The following POLI variants were observed in gnomAD, a reference collection of about 807,000 sequenced individuals.
POLI encodes RAD30 homolog B.
Under a neutral mutation model 51.6 loss-of-function variants are expected in POLI, and 58 were observed. The ratio of observed to expected loss-of-function variants is 1.12; its 90% CI spans 0.91 to 1.40. POLI has a LOEUF of 1.40. Ranked by LOEUF, POLI falls within the 40% of genes most tolerant of loss-of-function variation. The pLI, the probability that POLI is intolerant of heterozygous loss-of-function variation, is 0.00. For missense variants in POLI, 921 were observed against 871.3 expected (o/e 1.06, Z -0.72); for synonymous variants, 322 against 299.7 (o/e 1.07, Z -0.77).
At chr18:54,308,709 C>A (rs1296219831) in intron 3 of POLI, among the ~76,000 whole-genome samples, 2 of 152,234 alleles carry the variant, frequency 1.3e-5, no homozygotes, top group Non-Finnish European at 2.9e-5. Context: ...TCGTCACTTT[C>A]AAGTACACCA....
intron 3 of POLI, among the ~76,000 whole-genome samples, chr18:54,311,607 T>C (rs2088670297): frequency 6.6e-6 from 1 of 152,230 alleles, no homozygotes; most frequent in Admixed American, 6.5e-5. Context: ...CTATTTAGGC[T>C]TAGCCAGACT....
At chr18:54,273,061 A>C (rs992500336) in intron 2 of POLI, among the ~76,000 whole-genome samples, 1 of 152,132 alleles carries the variant, frequency 6.6e-6, no homozygotes, top group Admixed American at 6.5e-5. Context: ...TTTTAGGTGA[A>C]CATTACTCTT....
Position 54,294,916 on chromosome 18 carries a change from T to C in POLI, c.*449T>C. The C allele has an allele frequency of 1.0e-6, 1 of 979,506 alleles. No homozygotes were observed. Among genetic ancestry groups the C allele is most frequent in the African/African-American group, 1.8e-5 (1 of 57,130 alleles). The allele number at this position is 979,506 out of a possible 1,614,324, so 60.7% of individuals were successfully genotyped here. On this transcript the variant is annotated 3_prime_UTR_variant, in exon 10 of 10. Coordinates refer to ENST00000579534, the MANE Select transcript of POLI (RefSeq NM_007195.3). Reference sequence around the variant, plus strand: ...CCAACTAACCTATTAAAAATATAGATAGTTTTGACTAAAGTACTACATTAC... The same window carrying C: ...CCAACTAACCTATTAAAAATATAGACAGTTTTGACTAAAGTACTACATTAC...
At position 54,274,003 on chromosome 18, in the gene POLI, A is replaced by G; in HGVS notation, c.319A>G (p.Arg107Gly). 3.2e-6 allele frequency: 5 copies of G among 1,584,666 alleles called. No individual in the cohort carries two copies. The highest frequency in any genetic ancestry group is 4.3e-6 in the Non-Finnish European group (5 of 1,163,238). The change falls in exon 3 of 10, where the codon AGA (arginine) becomes GGA (glycine). Residue 107 changes from arginine to glycine, a missense_variant. Physicochemically the swap from Arg to Gly is moderately radical, Grantham distance 125. Coordinates refer to ENST00000579534, the MANE Select transcript of POLI (RefSeq NM_007195.3). The stretch of plus-strand genomic sequence containing the variant: ...TGGAGTTAAGAAACTTATGAATGTC[A>G]GAGATGCAAAAGAAAAGTGTCCACA... ...KLGVKKLMNVRDAKEKCPQLV... is the reference protein window; with the variant it reads ...KLGVKKLMNVGDAKEKCPQLV...
rs574662532 is a variant in POLI, at chr18:54,304,069, C to T, written c.334-16204C>T. 2.2e-4 allele frequency among the ~76,000 whole-genome samples: 34 copies of T among 152,192 alleles called. No individual in the cohort carries two copies. The South Asian group carries it at 4.8e-3, about 21-fold the overall frequency. ...GAATGATGGTTTCCAGCTTCATCCACGTCCCTACAAAGGACATGAACTCAT... is the reference window on the plus strand; with the variant it reads ...GAATGATGGTTTCCAGCTTCATCCATGTCCCTACAAAGGACATGAACTCAT... On this transcript the variant is annotated intron_variant, in intron 3 of 4. Transcript: ENST00000579823.
downstream of POLI, among the ~76,000 whole-genome samples, chr18:54,298,590 T>C (rs2088434557): frequency 1.0e-5 from 1 of 99,318 alleles, no homozygotes; most frequent in Non-Finnish European, 1.8e-5. Context: ...TACAGAATCT[T>C]TTTTTTTTTT....
downstream of POLI, among the ~76,000 whole-genome samples, chr18:54,299,295 C>T (rs925516471): frequency 2.0e-4 from 31 of 152,120 alleles, no homozygotes; most frequent in Admixed American, 1.7e-3. Context: ...GTTGACTGGG[C>T]GTGGTGGTGC....
At chr18:54,306,567 A>G (rs1211329478) in intron 3 of POLI, among the ~76,000 whole-genome samples, 1 of 152,194 alleles carries the variant, frequency 6.6e-6, no homozygotes, top group Non-Finnish European at 1.5e-5. Flanking sequence ...AGCCTTTGGT[A>G]TCAGGATGAT....
chr18:54,295,029 C>T lies in POLI; in HGVS notation c.*562C>T, dbSNP rs2088246940. The stretch of plus-strand genomic sequence containing the variant: ...ACCAAGAATCTACCACAATACACAG[C>T]ACACAAAGGCCGTTCAATAAACATT... On this transcript the variant is annotated 3_prime_UTR_variant, in exon 10 of 10. Coordinates refer to ENST00000579534, the MANE Select transcript of POLI (RefSeq NM_007195.3). The T allele has an allele frequency of 1.0e-6, 1 of 985,070 alleles. No individual in the cohort carries two copies. The highest frequency in any genetic ancestry group is 6.2e-5 in the Admixed American group (1 of 16,244). The allele number at this position is 985,070 out of a possible 1,614,324, so 61.0% of individuals were successfully genotyped here.
At chr18:54,316,755 A>G (rs1453190985) in intron 3 of POLI, among the ~76,000 whole-genome samples, 1 of 152,042 alleles carries the variant, frequency 6.6e-6, no homozygotes, top group Non-Finnish European at 1.5e-5. Context: ...TGGTAAAAGG[A>G]AAAAAAAGCT....
chr18:54,285,143 T>C (rs2087690764), intron 7 of POLI, among the ~76,000 whole-genome samples: 2 of 151,902 alleles, frequency 1.3e-5, no homozygotes, highest in African/African-American at 2.4e-5. Flanking sequence ...TGCAGCTCAT[T>C]GTTGGCTGCA....
rs184104691 is a variant in POLI, at chr18:54,294,927, A to G, written c.*460A>G. The G allele has an allele frequency of 6.3e-4, 617 of 979,628 alleles. 7 individuals are homozygous for G. The African/African-American group carries it at 0.01, about 16-fold the overall frequency. 60.7% of individuals were successfully genotyped at this position (979,628 alleles called of 1,614,324 possible). ...ATTAAAAATATAGATAGTTTTGACT[A>G]AAGTACTACATTACATTTAGTATGT... On this transcript the variant is annotated 3_prime_UTR_variant, in exon 10 of 10. Coordinates refer to ENST00000579534, the MANE Select transcript of POLI (RefSeq NM_007195.3).
Position 54,280,722 on chromosome 18 carries a change from A to G in POLI, c.615A>G (p.Ala205=). ...HIRLLVGSQI[A]AEMREAMYNQ... ...GACTACTTGTTGGATCTCAGATTGC[A>G]GCAGAGATGCGGGAAGCCATGTATA... Residue 205 remains alanine (A), a synonymous_variant, in exon 5 of 10, where the codon GCA becomes GCG. Transcript: ENST00000579534. 6.2e-7 allele frequency: 1 copy of G among 1,613,948 alleles called. No homozygotes were observed. The highest frequency in any genetic ancestry group is 8.5e-7 in the Non-Finnish European group (1 of 1,179,822).
At position 54,269,615 on chromosome 18, in the gene POLI, C is replaced by G. The variant is rs1339173924; in HGVS notation, c.69C>G (p.Ala23=). 6.6e-7 allele frequency: 1 copy of G among 1,511,442 alleles called. No individual in the cohort carries two copies. The highest frequency in any genetic ancestry group is 1.2e-5 in the South Asian group (1 of 81,414). 93.6% of individuals were successfully genotyped at this position (1,511,442 alleles called of 1,614,324 possible). A position where few individuals can be genotyped will look rare whatever the true frequency, so the allele number is the denominator to read the frequency against. The change falls in exon 1 of 10, where the codon GCC becomes GCG. Residue 23 remains alanine (A), a synonymous_variant. Coordinates refer to ENST00000579534, the MANE Select transcript of POLI (RefSeq NM_007195.3). ...GGDDDEEDAE[A]WAMELADVGA... is the part of the protein sequence containing the mutation. ...ACGACGACGAGGAAGACGCCGAGGC[C>G]TGGGCCATGGAACTGGCGGACGTGG... is the stretch of plus-strand genomic sequence containing the variant.
rs2088378685 is a variant in POLI at position 54,297,290 on chromosome 18, TG to T, written c.*2824del. 8.1e-6 allele frequency: 8 copies of T among 981,736 alleles called. No individual in the cohort carries two copies. The highest frequency in any genetic ancestry group is 9.7e-6 in the Non-Finnish European group (8 of 827,204). The allele number at this position is 981,736 out of a possible 1,614,324, so 60.8% of individuals were successfully genotyped here. A position where few individuals can be genotyped will look rare whatever the true frequency, so the allele number is the denominator to read the frequency against. On this transcript the variant is annotated 3_prime_UTR_variant, in exon 10 of 10. Transcript: ENST00000579534. The stretch of plus-strand genomic sequence containing the variant: ...TTTTGTTTCAGCTCGAGTTTGTTGT[TG>T]TTTTTTTTTTTTCCTGTTTCTGTCT...
chr18:54,280,968 A>T, intron 5 of POLI, 65 bp downstream of exon 5: 1 of 830,952 alleles, frequency 1.2e-6, no homozygotes, highest in African/African-American at 1.7e-5. Flanking sequence ...TTAAAAAATT[A>T]TAGATACAAT....
Position 54,287,340 on chromosome 18 carries a change from C to G in POLI, c.1127C>G (p.Ser376Cys), listed in dbSNP as rs2087795385. Residue 376 changes from serine (S) to cysteine (C), a missense_variant, in exon 8 of 10, where the codon TCT becomes TGT. Ser to Cys is a moderately radical substitution (Grantham distance 112). Transcript: ENST00000579534. Reference protein sequence around the residue: ...TVRLIIRRYSSEKHYGRESRQ... With the variant: ...TVRLIIRRYSCEKHYGRESRQ... ...AGATTAATAATCCGTCGGTATTCCTCTGAGAAGCACTATGGTCGTGAGAGT... is the reference window on the plus strand; with the variant it reads ...AGATTAATAATCCGTCGGTATTCCTGTGAGAAGCACTATGGTCGTGAGAGT... 1 of 1,595,020 alleles carries G rather than the reference C, an allele frequency of 6.3e-7. No homozygotes were observed. The highest frequency in any genetic ancestry group is 8.6e-7 in the Non-Finnish European group (1 of 1,166,920).
chr18:54,287,540 T>G, intron 8 of POLI, 129 bp downstream of exon 8: 1 of 610,456 alleles, frequency 1.6e-6, no homozygotes, highest in Non-Finnish European at 2.9e-6. Flanking sequence ...ATGCTTTTAT[T>G]CTATCAGGAA....
At chr18:54,299,307 C>T (rs553799293), downstream of POLI, among the ~76,000 whole-genome samples, 31 of 152,224 alleles carry the variant, frequency 2.0e-4, no homozygotes, top group East Asian at 5.8e-4. Context: ...TGGTGGTGCA[C>T]GCCTGTAGTC....
Sources: allele counts gnomAD v4.1 joint callset (sites outside exome capture counted in the v4.1 genomes callset), GRCh38; gene constraint gnomAD v4.1.1; transcripts MANE v1.5; gene names NCBI Gene and HGNC (gene_info 2026-07-23, HGNC 2026-07-21).